The following NRG1 variants were observed in gnomAD, a reference collection of about 807,000 sequenced individuals.
NRG1 encodes neuregulin 1.
In NRG1, 18 loss-of-function variants were observed where a neutral mutation model predicts 63.8. The observed-to-expected ratio is 0.28, with a 90% CI of 0.19 to 0.42. NRG1 has a LOEUF of 0.42. Ranked by LOEUF, NRG1 falls within the 10% of genes least tolerant of loss-of-function variation. NRG1 has a pLI of 1.00. For synonymous variants in NRG1, 302 were observed against 301.3 expected (o/e 1.00, Z -0.02); for missense variants, 762 against 814.7 (o/e 0.94, Z 0.79).
rs149560085 is a variant in NRG1, at chr8:32,596,420, A to G, written c.278+415A>G. Among the ~76,000 whole-genome samples the G allele has an allele frequency of 6.5e-3, 996 of 152,168 alleles. 10 individuals carry two copies. Among genetic ancestry groups the G allele is most frequent in the African/African-American group, 0.023 (955 of 41,514 alleles). ...GGAGTTCGAGACCAGCCTGGCCAAC[A>G]TGGTGAAACCCTGTCTCTACTAAAA... On this transcript the variant is annotated intron_variant, in intron 2 of 11. Transcript: ENST00000356819.
At chr8:32,095,249 T>C (rs1052061939) in intron 1 of NRG1, among the ~76,000 whole-genome samples, 3 of 152,180 alleles carry the variant, frequency 2.0e-5, no homozygotes, top group Non-Finnish European at 4.4e-5. Flanking sequence ...GGTTCATTGT[T>C]TTCAATATAA....
intron 1 of NRG1, among the ~76,000 whole-genome samples, chr8:32,182,216 G>A (rs539061906): frequency 6.6e-6 from 1 of 152,152 alleles, no homozygotes; most frequent in African/African-American, 2.4e-5. Flanking sequence ...ACACAGAGAG[G>A]AGTATGGAGA....
chr8:31,977,465 C>T (rs1228595691), intron 1 of NRG1, among the ~76,000 whole-genome samples: 1 of 151,954 alleles, frequency 6.6e-6, no homozygotes, highest in Non-Finnish European at 1.5e-5. Flanking sequence ...TCTAGTGCCG[C>T]CATCTCAGAC....
At chr8:32,014,973 C>A (rs1319651697) in intron 1 of NRG1, among the ~76,000 whole-genome samples, 1 of 152,044 alleles carries the variant, frequency 6.6e-6, no homozygotes, top group East Asian at 1.9e-4. Flanking sequence ...TCAACAGAAG[C>A]CAGGAGAGAG....
chr8:31,984,238 G>A (rs946337375), intron 1 of NRG1, among the ~76,000 whole-genome samples: 5 of 151,990 alleles, frequency 3.3e-5, no homozygotes, highest in Non-Finnish European at 5.9e-5. Flanking sequence ...TGAACAATGA[G>A]CAATGTAAAA....
intron 1 of NRG1, among the ~76,000 whole-genome samples, chr8:32,375,223 C>T (rs539372899): frequency 2.6e-4 from 40 of 152,070 alleles, no homozygotes; most frequent in African/African-American, 8.4e-4. Context: ...AGCAATCCCC[C>T]CACCTTGGCT....
intron 1 of NRG1, among the ~76,000 whole-genome samples, chr8:32,119,851 C>T (rs1426849800): frequency 6.6e-6 from 1 of 152,090 alleles, no homozygotes; most frequent in Non-Finnish European, 1.5e-5. Flanking sequence ...AAATAAACTT[C>T]TGCTGTGTTT....
chr8:32,377,677 A>C (rs1024542640), intron 1 of NRG1, among the ~76,000 whole-genome samples: 10 of 152,214 alleles, frequency 6.6e-5, no homozygotes, highest in African/African-American at 1.9e-4. Flanking sequence ...AGAGTGAATT[A>C]GTTTTAAAGT....
At chr8:32,526,830 CT>C (rs1830895511) in intron 1 of NRG1, among the ~76,000 whole-genome samples, 1 of 152,210 alleles carries the variant, frequency 6.6e-6, no homozygotes, top group Admixed American at 6.5e-5. Context: ...TCTCTTGTCT[CT>C]GACTCACAGG....
intron 1 of NRG1, among the ~76,000 whole-genome samples, chr8:32,183,366 CCT>C (rs1384054488): frequency 2.0e-5 from 3 of 152,204 alleles, no homozygotes; most frequent in Non-Finnish European, 2.9e-5. Flanking sequence ...CTTCTGTCTT[CCT>C]CTCTTTTTTG....
At chr8:31,759,132 G>A (rs755586750) in intron 1 of NRG1, among the ~76,000 whole-genome samples, 11 of 151,924 alleles carry the variant, frequency 7.2e-5, no homozygotes, top group Non-Finnish European at 1.5e-4. Flanking sequence ...TGTTCCTTAC[G>A]TATTGTGGAT....
chr8:32,322,792 G>C (rs1241827185), intron 1 of NRG1, among the ~76,000 whole-genome samples: 1 of 151,354 alleles, frequency 6.6e-6, no homozygotes, highest in African/African-American at 2.4e-5. Flanking sequence ...GAAGCCCCAT[G>C]ATATATTTTC....
chr8:31,975,632 C>T (rs1187137266), intron 1 of NRG1, among the ~76,000 whole-genome samples: 1 of 152,212 alleles, frequency 6.6e-6, no homozygotes, highest in East Asian at 1.9e-4. Flanking sequence ...AATTCTCAGT[C>T]CTGACCAAAA....
chr8:32,364,564 A>G (rs1290139889), intron 1 of NRG1, among the ~76,000 whole-genome samples: 1 of 152,110 alleles, frequency 6.6e-6, no homozygotes. Context: ...GTAATTTATG[A>G]TATTGTATTG....
intron 1 of NRG1, among the ~76,000 whole-genome samples, chr8:31,742,435 G>T (rs1183946162): frequency 1.0e-5 from 1 of 100,086 alleles, no homozygotes; most frequent in African/African-American, 3.4e-5. Context: ...AACCAGCAAC[G>T]ACAGACAACT....
intron 1 of NRG1, among the ~76,000 whole-genome samples, chr8:32,472,635 A>C (rs1823998460): frequency 6.6e-6 from 1 of 152,160 alleles, no homozygotes. Context: ...TGTTTTGGTG[A>C]CTCTGAGCAA....
intron 1 of NRG1, among the ~76,000 whole-genome samples, chr8:32,146,949 A>G (rs1401735531): frequency 6.6e-6 from 1 of 152,190 alleles, no homozygotes; most frequent in African/African-American, 2.4e-5. Context: ...TAAAGAGAAG[A>G]GATTGAGATA....
At chr8:32,011,533 C>T (rs1330479067) in intron 1 of NRG1, among the ~76,000 whole-genome samples, 3 of 152,110 alleles carry the variant, frequency 2.0e-5, no homozygotes, top group South Asian at 4.1e-4. Flanking sequence ...TCTGTAGTCA[C>T]GTCCTGTCAC....
At chr8:31,996,767 C>A (rs919472807) in intron 1 of NRG1, among the ~76,000 whole-genome samples, 7 of 151,726 alleles carry the variant, frequency 4.6e-5, no homozygotes, top group Non-Finnish European at 8.8e-5. Flanking sequence ...TGACTAAAAG[C>A]CTAAATGAAA....
Sources: gnomAD v4.1 joint callset for allele counts (sites outside exome capture counted in the v4.1 genomes callset) on GRCh38, gnomAD v4.1.1 for gene constraint, MANE v1.5 for transcripts, NCBI Gene and HGNC (gene_info 2026-07-23, HGNC 2026-07-21) for gene names.